Variants in DMXL1 observed in about 807,000 individuals in gnomAD.
The protein encoded by DMXL1 is dmX-like protein 1.
DMXL1 carries 99 observed loss-of-function variants against 319.2 expected under a neutral mutation model. The ratio of observed to expected loss-of-function variants is 0.31; its 90% CI spans 0.26 to 0.37. The LOEUF (loss-of-function observed/expected upper bound fraction) is 0.37, where lower values mean the gene tolerates loss of function less well. Ranked by LOEUF, DMXL1 falls within the 10% of genes least tolerant of loss-of-function variation. DMXL1 has a pLI of 1.00. For missense variants in DMXL1, 3,745 were observed against 3,595.6 expected (o/e 1.04, Z -1.06); for synonymous variants, 1,385 against 1,235.2 (o/e 1.12, Z -2.54).
At chr5:119,231,750 C>T (rs1257199787) in intron 38 of DMXL1, among the ~76,000 whole-genome samples, 1 of 152,186 alleles carries the variant, frequency 6.6e-6, no homozygotes, top group African/African-American at 2.4e-5. Context: ...GGAAGCACAA[C>T]AAAGACAGTA....
intron 37 of DMXL1, among the ~76,000 whole-genome samples, chr5:119,222,245 G>A (rs1170278778): frequency 1.3e-5 from 2 of 152,138 alleles, no homozygotes; most frequent in Non-Finnish European, 2.9e-5. Context: ...ATCCAAAAAG[G>A]TCAAGTGGAT....
intron 34 of DMXL1, among the ~76,000 whole-genome samples, chr5:119,208,561 T>A (rs1782162914): frequency 6.6e-6 from 1 of 152,198 alleles, no homozygotes; most frequent in African/African-American, 2.4e-5. Flanking sequence ...ATGCTGTTTA[T>A]AAAATGCTAA....
At chr5:119,094,848 A>G (rs963924558) in intron 1 of DMXL1, among the ~76,000 whole-genome samples, 1 of 151,450 alleles carries the variant, frequency 6.6e-6, no homozygotes, top group African/African-American at 2.4e-5. Context: ...AGACTTGCAC[A>G]ATCTTTTTTT....
At chr5:119,222,494 C>A (rs1784814088) in intron 37 of DMXL1, among the ~76,000 whole-genome samples, 1 of 152,076 alleles carries the variant, frequency 6.6e-6, no homozygotes, top group African/African-American at 2.4e-5. Context: ...AAGGAGAACT[C>A]AAAGGGAATA....
rs549060433 is a variant in DMXL1, at chr5:119,230,558, G to C, written c.8339-2782G>C. On this transcript the variant is annotated intron_variant, in intron 38 of 43. Transcript: ENST00000539542. ...CCTTCTAAATTTTGGCGATCTGCCA[G>C]ATACAAAATATCAAACTCAGTCGTT... 6.3e-4 allele frequency among the ~76,000 whole-genome samples: 96 copies of C among 152,300 alleles called. No individual in the cohort carries two copies. In the South Asian group the frequency reaches 0.019, roughly 30 times the overall value.
intron 5 of DMXL1, among the ~76,000 whole-genome samples, chr5:119,112,832 C>T (rs995439464): frequency 2.6e-5 from 4 of 152,058 alleles, no homozygotes; most frequent in African/African-American, 4.8e-5. Context: ...TGGTGCATGC[C>T]TGTAATCCCA....
chr5:119,196,225 T>C (rs1581257242), intron 30 of DMXL1, 146 bp from the exon 31 acceptor site: 1 of 628,576 alleles, frequency 1.6e-6, no homozygotes, highest in South Asian at 1.9e-5. Context: ...CTGACATGAC[T>C]ACCTCTATGC....
chr5:119,122,140 AC>A (rs1232054221), intron 9 of DMXL1, among the ~76,000 whole-genome samples: 1 of 78,380 alleles, frequency 1.3e-5, no homozygotes, highest in Non-Finnish European at 2.5e-5. Context: ...CGGGGGGCTG[AC>A]CCCCCCACCT....
At chr5:119,214,059 T>TA (rs1240254998) in intron 34 of DMXL1, among the ~76,000 whole-genome samples, 2 of 152,180 alleles carry the variant, frequency 1.3e-5, no homozygotes, top group African/African-American at 2.4e-5. Flanking sequence ...TGGGTTATCT[T>TA]ACGGTTTAAA....
intron 16 of DMXL1, 64 bp from the exon 17 acceptor site, chr5:119,147,184 TA>T: frequency 7.2e-7 from 1 of 1,386,500 alleles, no homozygotes; most frequent in Non-Finnish European, 1.0e-6. Context: ...TTGTAAAATG[TA>T]ACAATCGTAA....
In DMXL1 at chr5:119,119,020, A is replaced by G. The variant is rs1387926918; in HGVS notation, c.933+16A>G. 1 of 1,572,280 alleles carries G rather than the reference A, an allele frequency of 6.4e-7. No homozygotes were observed. The highest frequency in any genetic ancestry group is 2.3e-5 in the East Asian group (1 of 43,934). On this transcript the variant is annotated intron_variant, in intron 8 of 43. Transcript: ENST00000539542. Reference sequence around the variant, plus strand: ...TGCTTTAGAAGTGAGTGTTTTTGTTACATTACTTACTACAAGTTTTAAAAC... The same window carrying G: ...TGCTTTAGAAGTGAGTGTTTTTGTTGCATTACTTACTACAAGTTTTAAAAC...
intron 34 of DMXL1, among the ~76,000 whole-genome samples, chr5:119,212,118 T>G (rs1412796994): frequency 3.3e-5 from 5 of 152,120 alleles, no homozygotes. Context: ...ATAAGTACAT[T>G]TACACTGCTC....
intron 38 of DMXL1, among the ~76,000 whole-genome samples, chr5:119,225,832 C>T (rs925998707): frequency 4.1e-4 from 62 of 152,126 alleles, no homozygotes; most frequent in African/African-American, 1.5e-3. Flanking sequence ...GTATTTTTTA[C>T]CCACAAGTTT....
chr5:119,121,097 C>G lies in DMXL1; in HGVS notation c.1060C>G (p.Leu354Val). The change falls in exon 9 of 44, where the codon CTT (leucine) becomes GTT (valine). Residue 354 changes from leucine to valine, a missense_variant. Around this residue, in one of 4 missense-constraint regions of DMXL1, gnomAD observed 2,096 missense variants for 1,985.4 expected, o/e 1.06. Transcript: ENST00000539542. Reference sequence around the variant, plus strand: ...GAACACTCCACTGCATGCCAATGCACTTTGCCACTTTCATATTGCAGCCAG... The same window carrying G: ...GAACACTCCACTGCATGCCAATGCAGTTTGCCACTTTCATATTGCAGCCAG... ...HRNTPLHANA[L>V]CHFHIAASIN... 1 of 1,609,538 alleles carries G rather than the reference C, an allele frequency of 6.2e-7. No homozygotes were observed. Among genetic ancestry groups the G allele is most frequent in the Non-Finnish European group, 8.5e-7 (1 of 1,178,776 alleles).
chr5:119,238,966 C>T (rs768430421), intron 40 of DMXL1, 23 bp from the exon 41 acceptor site: 6 of 1,612,870 alleles, frequency 3.7e-6, no homozygotes, highest in Middle Eastern at 1.7e-4. Context: ...AGGAGTAACA[C>T]GTATTGTTTG....
At chr5:119,196,956 T>A (rs1453517227) in intron 31 of DMXL1, among the ~76,000 whole-genome samples, 1 of 152,190 alleles carries the variant, frequency 6.6e-6, no homozygotes, top group Admixed American at 6.5e-5. Context: ...TTATTCTCAT[T>A]ATGCCGTAGT....
At chr5:119,117,260 T>G (rs1429729575) in intron 7 of DMXL1, among the ~76,000 whole-genome samples, 1 of 152,114 alleles carries the variant, frequency 6.6e-6, no homozygotes, top group Admixed American at 6.6e-5. Flanking sequence ...AGGCTTGTCT[T>G]GAACTCCTGA....
At chr5:119,077,215 C>T (rs1751078818) in intron 1 of DMXL1, among the ~76,000 whole-genome samples, 1 of 145,712 alleles carries the variant, frequency 6.9e-6, no homozygotes, top group South Asian at 2.1e-4. Context: ...TGGTTTGGAA[C>T]TCCTGGGCTC....
chr5:119,120,860 C>CATTTT, intron 8 of DMXL1, 111 bp from the exon 9 acceptor site: 4 of 848,660 alleles, frequency 4.7e-6, no homozygotes, highest in Non-Finnish European at 6.7e-6. Flanking sequence ...ACATATAAAA[C>CATTTT]ATGTAAAATG....
Sources: allele counts gnomAD v4.1 joint callset (sites outside exome capture counted in the v4.1 genomes callset), GRCh38; gene constraint gnomAD v4.1.1; regional missense constraint gnomAD v4.1.1; transcripts MANE v1.5; gene names NCBI Gene and HGNC (gene_info 2026-07-23, HGNC 2026-07-21).